The following SLC7A8 variants were observed in gnomAD, a reference collection of about 807,000 sequenced individuals.
SLC7A8 encodes large neutral amino acids transporter small subunit 2.
SLC7A8 carries 30 observed loss-of-function variants against 51.2 expected under a neutral mutation model. The observed-to-expected ratio is 0.59, with a 90% CI of 0.44 to 0.80. The LOEUF is 0.80. Among genes scored for constraint, SLC7A8 ranks in the 30% least tolerant of loss-of-function variants. The pLI is 0.00. For missense variants in SLC7A8, 612 were observed against 674.4 expected, an observed-to-expected ratio of 0.91 and a Z score of 1.03; for synonymous variants, 257 against 275.8, an observed-to-expected ratio of 0.93 and a Z score of 0.67.
chr14:23,160,861 C>T (rs1225059097), intron 3 of SLC7A8, among the ~76,000 whole-genome samples: 1 of 152,118 alleles, frequency 6.6e-6, no homozygotes, highest in African/African-American at 2.4e-5. Context: ...TCCCAGTCCC[C>T]TCCTAACTCC....
chr14:23,152,287 G>A (rs533690978), intron 3 of SLC7A8, among the ~76,000 whole-genome samples: 3 of 151,662 alleles, frequency 2.0e-5, no homozygotes, highest in South Asian at 4.2e-4. Flanking sequence ...GTGCCACCAC[G>A]CCCAGCTAAT....
At chr14:23,170,722 G>A (rs1446177108) in intron 1 of SLC7A8, among the ~76,000 whole-genome samples, 3 of 151,932 alleles carry the variant, frequency 2.0e-5, no homozygotes, top group African/African-American at 7.3e-5. Context: ...GCCTCCCAAA[G>A]TGCTGGGATT....
At chr14:23,181,461 G>GA (rs372894835) in intron 1 of SLC7A8, among the ~76,000 whole-genome samples, 3 of 127,204 alleles carry the variant, frequency 2.4e-5, no homozygotes, top group Non-Finnish European at 4.9e-5. Context: ...GTGGGGGGGG[G>GA]ATGGGATTTC....
In SLC7A8 at chr14:23,127,245, G is replaced by T; in HGVS notation, c.1540C>A (p.Gln514Lys). The change falls in exon 11 of 11, where the codon CAG becomes AAG. Residue 514 changes from glutamine (Q) to lysine (K), a missense_variant. Coordinates refer to ENST00000316902, the MANE Select transcript of SLC7A8 (RefSeq NM_012244.4). Reference sequence around the variant, plus strand: ...GTGGGTTGGTACATGGGCTGCTGCTGCTCCTCCATGTCCTCATTAGCCTCC... The same window carrying T: ...GTGGGTTGGTACATGGGCTGCTGCTTCTCCTCCATGTCCTCATTAGCCTCC... ...TEEANEDMEE[Q>K]QQPMYQPTPT... 1 of 1,614,110 alleles carries T rather than the reference G, an allele frequency of 6.2e-7. No homozygotes were observed. The highest frequency in any genetic ancestry group is 1.3e-5 in the African/African-American group (1 of 75,024).
chr14:23,142,146 G>A (rs780240322), intron 4 of SLC7A8, among the ~76,000 whole-genome samples: 4 of 152,222 alleles, frequency 2.6e-5, no homozygotes, highest in Admixed American at 6.5e-5. Flanking sequence ...TATGTTTCCT[G>A]GAGTAGAAGT....
intron 1 of SLC7A8, among the ~76,000 whole-genome samples, chr14:23,176,294 C>G (rs977537517): frequency 2.6e-5 from 4 of 152,198 alleles, no homozygotes; most frequent in Non-Finnish European, 5.9e-5. Context: ...ATAGCCACAC[C>G]TCTCTGTTGA....
At chr14:23,140,348 C>G in intron 5 of SLC7A8, 123 bp downstream of exon 5, 3 of 1,082,728 alleles carry the variant, frequency 2.8e-6, no homozygotes, top group Non-Finnish European at 2.7e-6. Context: ...CAGGATAGAT[C>G]AAATCACAGT....
Position 23,165,383 on chromosome 14 carries a change from A to G in SLC7A8, c.410T>C (p.Val137Ala). 2 of 1,602,278 alleles carry G rather than the reference A, an allele frequency of 1.2e-6. No individual in the cohort carries two copies. Among genetic ancestry groups the G allele is most frequent in the Non-Finnish European group, 1.7e-6 (2 of 1,175,638 alleles). ...GTAGTTGGAGAAGGTGAGGGCGATG[A>G]CAGCCTGGTTGGTGGGGTAGATCAC... ...VLVIYPTNQA[V>A]IALTFSNYVL... The change falls in exon 3 of 11, where the codon GTC (valine) becomes GCC (alanine). Residue 137 changes from valine to alanine, a missense_variant. Coordinates refer to ENST00000316902, the MANE Select transcript of SLC7A8 (RefSeq NM_012244.4). This position sits in a 1 kb window ranked among gnomAD's most constrained non-coding sequence, Gnocchi z 4.2.
chr14:23,155,970 T>G (rs1005231818), intron 3 of SLC7A8, among the ~76,000 whole-genome samples: 1 of 152,016 alleles, frequency 6.6e-6, no homozygotes, highest in Non-Finnish European at 1.5e-5. Context: ...TAGCTTGTAC[T>G]TAAACTTGCT....
chr14:23,175,349 C>T (rs1365811227), intron 1 of SLC7A8, among the ~76,000 whole-genome samples: 2 of 152,136 alleles, frequency 1.3e-5, no homozygotes, highest in Non-Finnish European at 2.9e-5. Context: ...GCTGGGACTA[C>T]AGGAATCTGC....
intron 6 of SLC7A8, among the ~76,000 whole-genome samples, chr14:23,139,173 C>T (rs1048993350): frequency 6.6e-6 from 1 of 152,170 alleles, no homozygotes; most frequent in African/African-American, 2.4e-5. Context: ...TATAGCTTCT[C>T]AGGCCACGCG....
At chr14:23,155,308 C>CA (rs2048884692) in intron 3 of SLC7A8, 2 of 1,535,806 alleles carry the variant, frequency 1.3e-6, no homozygotes, top group Admixed American at 3.9e-5. Context: ...CCTGGAGGCA[C>CA]ACAGCTTTTA....
intron 3 of SLC7A8, chr14:23,147,066 T>G (rs1263253968): frequency 3.3e-5 from 1 of 30,332 alleles, no homozygotes; most frequent in Non-Finnish European, 7.9e-5. Flanking sequence ...CTTTGAAATG[T>G]GAGGGGCTTT....
chr14:23,152,446 G>T (rs1291781568), intron 3 of SLC7A8, among the ~76,000 whole-genome samples: 1 of 150,816 alleles, frequency 6.6e-6, no homozygotes, highest in Non-Finnish European at 1.5e-5. Context: ...TTGAGACAGG[G>T]TCTTACTCTG....
Position 23,127,310 on chromosome 14 carries a change from A to G in SLC7A8, c.1475T>C (p.Val492Ala). The change falls in exon 11 of 11, where the codon GTG (valine) becomes GCG (alanine). Residue 492 changes from valine to alanine, a missense_variant. Coordinates refer to ENST00000316902, the MANE Select transcript of SLC7A8 (RefSeq NM_012244.4). ...LLTLVSQKMCVVVYPEVERGS... is the reference protein window; with the variant it reads ...LLTLVSQKMCAVVYPEVERGS... The stretch of plus-strand genomic sequence containing the variant: ...CCGCTCCACCTCGGGGTACACGACC[A>G]CACACATCTTCTGGCTCACCAGGGT... 1 of 1,614,104 alleles carries G rather than the reference A, an allele frequency of 6.2e-7. No individual in the cohort carries two copies. The highest frequency in any genetic ancestry group is 8.5e-7 in the Non-Finnish European group (1 of 1,179,956).
intron 6 of SLC7A8, chr14:23,138,298 A>T: frequency 2.6e-6 from 1 of 379,422 alleles, no homozygotes; most frequent in Non-Finnish European, 4.9e-6. Flanking sequence ...TGAGGAACTG[A>T]GTCACATAGT....
chr14:23,136,758 A>G (rs2048693960), intron 7 of SLC7A8, among the ~76,000 whole-genome samples: 1 of 152,168 alleles, frequency 6.6e-6, no homozygotes, highest in African/African-American at 2.4e-5. Flanking sequence ...CCCACTCTAA[A>G]GTGACTGTAG....
At chr14:23,136,905 G>C (rs936948231) in intron 7 of SLC7A8, among the ~76,000 whole-genome samples, 1 of 152,228 alleles carries the variant, frequency 6.6e-6, no homozygotes, top group Non-Finnish European at 1.5e-5. Flanking sequence ...GAGCGTCACA[G>C]GGTCCCGGGG....
At chr14:23,142,226 G>A (rs888249750) in intron 4 of SLC7A8, among the ~76,000 whole-genome samples, 1 of 152,196 alleles carries the variant, frequency 6.6e-6, no homozygotes, top group African/African-American at 2.4e-5. Context: ...TTCTCCGTGA[G>A]GCAGTGACGC....
Sources: allele counts gnomAD v4.1 joint callset (sites outside exome capture counted in the v4.1 genomes callset), GRCh38; gene constraint gnomAD v4.1.1; non-coding constraint Gnocchi (gnomAD v3.1); transcripts MANE v1.5; gene names NCBI Gene and HGNC (gene_info 2026-07-23, HGNC 2026-07-21).